Variants in FBXL17 observed in about 807,000 individuals in gnomAD.
FBXL17 encodes F-box and leucine rich repeat protein 17.
FBXL17 carries 22 observed loss-of-function variants against 66.2 expected under a neutral mutation model. The ratio of observed to expected loss-of-function variants is 0.33; its 90% confidence interval spans 0.24 to 0.47. FBXL17 has a LOEUF of 0.47. Ranked by LOEUF, FBXL17 falls within the 20% of genes least tolerant of loss-of-function variation. The pLI, the probability that FBXL17 is intolerant of heterozygous loss-of-function variation, is 1.00. For missense variants in FBXL17, 878 were observed against 948.2 expected (o/e 0.93, Z 0.97); for synonymous variants, 474 against 400.5 (o/e 1.18, Z -2.19).
intron 6 of FBXL17, among the ~76,000 whole-genome samples, chr5:108,132,079 C>T (rs931480060): frequency 1.3e-5 from 2 of 151,630 alleles, no homozygotes; most frequent in African/African-American, 4.9e-5. Context: ...CAGGTTCAAG[C>T]GATTCTCCTG....
chr5:107,948,970 T>G (rs1751405880), intron 7 of FBXL17, among the ~76,000 whole-genome samples: 1 of 152,198 alleles, frequency 6.6e-6, no homozygotes, highest in South Asian at 2.1e-4. Flanking sequence ...TTTCTAAAAC[T>G]TCTCTCAACC....
intron 7 of FBXL17, among the ~76,000 whole-genome samples, chr5:107,981,627 A>G (rs1752832888): frequency 6.6e-6 from 1 of 152,254 alleles, no homozygotes; most frequent in Non-Finnish European, 1.5e-5. Context: ...GCCCAGAAGA[A>G]AGCATTTTCT....
chr5:108,295,881 G>A (rs1161093166), intron 4 of FBXL17, among the ~76,000 whole-genome samples: 4 of 149,208 alleles, frequency 2.7e-5, no homozygotes, highest in Non-Finnish European at 5.9e-5. Context: ...ATTTAGATTC[G>A]ACTGTGTAGC....
chr5:108,316,839 C>A (rs1759387575), intron 4 of FBXL17, among the ~76,000 whole-genome samples: 2 of 150,804 alleles, frequency 1.3e-5, no homozygotes, highest in Admixed American at 6.6e-5. Context: ...TAAATCACAT[C>A]AAAGTATTAA....
At chr5:108,344,458 A>C (rs1002901009) in intron 4 of FBXL17, among the ~76,000 whole-genome samples, 1 of 152,204 alleles carries the variant, frequency 6.6e-6, no homozygotes, top group Non-Finnish European at 1.5e-5. Flanking sequence ...TGAGTAATCT[A>C]TAATAGTTTA....
chr5:108,207,215 G>C (rs540978579), intron 5 of FBXL17, among the ~76,000 whole-genome samples: 1 of 152,236 alleles, frequency 6.6e-6, no homozygotes, highest in Non-Finnish European at 1.5e-5. Context: ...TGAAACTGCA[G>C]ATAAGGGAAA....
chr5:108,007,954 G>A (rs546420317), intron 7 of FBXL17, among the ~76,000 whole-genome samples: 1 of 152,292 alleles, frequency 6.6e-6, no homozygotes, highest in East Asian at 1.9e-4. Context: ...ATGTTTACAT[G>A]TGCGGCACAT....
At chr5:107,962,683 T>G (rs4957732) in intron 7 of FBXL17, among the ~76,000 whole-genome samples, 14,826 of 152,082 alleles carry the variant, frequency 0.097, 811 homozygotes, top group South Asian at 0.13. Flanking sequence ...TAAAAGTTTT[T>G]TTTTTTTAAT....
At chr5:107,885,854 AAGAAGAGAG>A (rs1170317894) in intron 7 of FBXL17, among the ~76,000 whole-genome samples, 1 of 152,164 alleles carries the variant, frequency 6.6e-6, no homozygotes, top group African/African-American at 2.4e-5. Context: ...GGTTGTGAGG[AAGAAGAGAG>A]AGAAGAAAAG....
chr5:108,174,637 A>G (rs1752724443), intron 6 of FBXL17, among the ~76,000 whole-genome samples: 1 of 152,034 alleles, frequency 6.6e-6, no homozygotes, highest in African/African-American at 2.4e-5. Flanking sequence ...GCAATTAACC[A>G]AACACTAAAT....
chr5:108,074,779 T>C (rs1211316195), intron 6 of FBXL17, among the ~76,000 whole-genome samples: 1 of 152,210 alleles, frequency 6.6e-6, no homozygotes, highest in East Asian at 1.9e-4. Context: ...GAGATTACTT[T>C]GTACTATGAG....
At chr5:107,959,475 C>T (rs1304040977) in intron 7 of FBXL17, among the ~76,000 whole-genome samples, 1 of 151,488 alleles carries the variant, frequency 6.6e-6, no homozygotes, top group African/African-American at 2.4e-5. Flanking sequence ...GTGTTGTGCC[C>T]CACCTGCCTT....
At position 108,088,073 on chromosome 5, in the gene FBXL17, A is replaced by T. The variant is rs182299931; in HGVS notation, c.1746-67072T>A. ...TAGATGATGGGAAATAGATATTTTC[A>T]ATCAAAATTTGCTGTGAAGCAAATT... On this transcript the variant is annotated intron_variant, in intron 6 of 8. Transcript: ENST00000542267. 2.7e-3 allele frequency among the ~76,000 whole-genome samples: 409 copies of T among 152,312 alleles called. 2 individuals are homozygous for T. The highest frequency in any genetic ancestry group is 9.4e-3 in the African/African-American group (390 of 41,560).
chr5:108,158,008 C>T (rs572830972), intron 6 of FBXL17, among the ~76,000 whole-genome samples: 3 of 152,100 alleles, frequency 2.0e-5, no homozygotes, highest in South Asian at 2.1e-4. Flanking sequence ...ACTTTACTTA[C>T]AAAACTTGCC....
chr5:107,910,326 T>C (rs1490142120), intron 7 of FBXL17, among the ~76,000 whole-genome samples: 2 of 152,150 alleles, frequency 1.3e-5, no homozygotes, highest in African/African-American at 2.4e-5. Flanking sequence ...ATACATCTAC[T>C]AGGACTTCTA....
intron 6 of FBXL17, among the ~76,000 whole-genome samples, chr5:108,073,393 A>C (rs1748416004): frequency 6.6e-6 from 1 of 152,106 alleles, no homozygotes; most frequent in Non-Finnish European, 1.5e-5. Context: ...TTGAGACACA[A>C]GTAAAAAGAA....
At chr5:107,944,637 C>G (rs1751220608) in intron 7 of FBXL17, among the ~76,000 whole-genome samples, 1 of 152,106 alleles carries the variant, frequency 6.6e-6, no homozygotes, top group Admixed American at 6.6e-5. Context: ...CAATGACAAC[C>G]ATCTTCAAAT....
chr5:108,125,055 C>G (rs1391647918), intron 6 of FBXL17, among the ~76,000 whole-genome samples: 2 of 151,896 alleles, frequency 1.3e-5, no homozygotes, highest in Non-Finnish European at 2.9e-5. Context: ...GTTTGAAAAC[C>G]TGGCTAACAC....
Position 108,381,745 on chromosome 5 carries a change from G to A in FBXL17, c.-54C>T, listed in dbSNP as rs1749969085. ...ACGGGAGGGAGGGAGACCCAGAGAG[G>A]CGGGCTCCCGGCAGCGGGGCAGGCC... On this transcript the variant is annotated 5_prime_UTR_variant, in exon 1 of 9. Transcript: ENST00000542267. The A allele has an allele frequency of 7.3e-7, 1 of 1,378,016 alleles. No individual in the cohort carries two copies. Among genetic ancestry groups the A allele is most frequent in the East Asian group, 3.1e-5 (1 of 32,454 alleles). The allele number at this position is 1,378,016 out of a possible 1,614,324, so 85.4% of individuals were successfully genotyped here.
Sources: allele counts gnomAD v4.1 joint callset (sites outside exome capture counted in the v4.1 genomes callset), GRCh38; gene constraint gnomAD v4.1.1; transcripts MANE v1.5; gene names NCBI Gene and HGNC (gene_info 2026-07-23, HGNC 2026-07-21).